GLI1: variants seen among roughly 807,000 people sequenced by gnomAD.
GLI1 encodes GLI family zinc finger 1.
Under a neutral mutation model 87.8 loss-of-function variants are expected in GLI1, and 51 were observed. That is an observed-to-expected ratio of 0.58 (90% CI 0.46 to 0.73). The LOEUF is 0.73. GLI1 is among the 30% of genes least tolerant of loss of function. The probability of loss-of-function intolerance (pLI) is 0.00; values close to 1 mark genes in which losing one functional copy is unlikely to be tolerated. For synonymous variants in GLI1, 528 were observed against 558.2 expected (o/e 0.95, Z 0.76); for missense variants, 1,292 against 1,437.2 (o/e 0.90, Z 1.63).
intron 10 of GLI1, 80 bp downstream of exon 10, chr12:57,468,304 C>A: frequency 1.2e-6 from 1 of 865,782 alleles, no homozygotes; most frequent in Non-Finnish European, 1.9e-6. Flanking sequence ...CCAACCCATC[C>A]ATTCCCTCCT....
chr12:57,464,611 G>C, intron 3 of GLI1, 62 bp from the exon 4 acceptor site: 1 of 1,216,188 alleles, frequency 8.2e-7, no homozygotes, highest in South Asian at 1.3e-5. Context: ...AGGACCCATA[G>C]GTTAGGTGCA....
rs1263331129 is a variant in GLI1 at position 57,460,077 on chromosome 12, G to A, written c.-152G>A. On this transcript the variant is annotated 5_prime_UTR_variant, in exon 1 of 12. Coordinates refer to ENST00000228682, the MANE Select transcript of GLI1 (RefSeq NM_005269.3). Reference sequence around the variant, plus strand: ...GGCGGGAGGGCTGGGGGCCAGGTTGGGGGGGTGGGGGTGGCATCGAGGCTG... The same window carrying A: ...GGCGGGAGGGCTGGGGGCCAGGTTGAGGGGGTGGGGGTGGCATCGAGGCTG... The A allele has an allele frequency of 6.6e-6, 1 of 150,502 alleles. No homozygotes were observed. The highest frequency in any genetic ancestry group is 1.5e-5 in the Non-Finnish European group (1 of 67,244). The allele number at this position is 150,502 out of a possible 1,614,324, so 9.3% of individuals were successfully genotyped here. A position where few individuals can be genotyped will look rare whatever the true frequency, so the allele number is the denominator to read the frequency against.
At position 57,463,712 on chromosome 12, in the gene GLI1, A is replaced by C; in HGVS notation, c.21A>C (p.Pro7=). 1 of 1,611,960 alleles carries C rather than the reference A, an allele frequency of 6.2e-7. No individual in the cohort carries two copies. The highest frequency in any genetic ancestry group is 8.5e-7 in the Non-Finnish European group (1 of 1,179,172). The part of the protein sequence containing the change: MFNSMT[P]PPISSYGEPC... ...ACGCCATGTTCAACTCGATGACCCC[A>C]CCACCAATCAGTAGCTATGGCGAGC... is the stretch of plus-strand genomic sequence containing the variant. Residue 7 remains proline, a synonymous_variant, in exon 2 of 12, where the codon CCA becomes CCC. Transcript: ENST00000228682.
At chr12:57,468,470 C>CCTTT (rs544079333) in intron 10 of GLI1, among the ~76,000 whole-genome samples, 1 of 151,776 alleles carries the variant, frequency 6.6e-6, no homozygotes, top group African/African-American at 2.4e-5. Context: ...TTCCTTTCTT[C>CCTTT]CTTTCTTTCT....
chr12:57,464,525 CAAAAAA>C, intron 3 of GLI1, 142 bp from the exon 4 acceptor site: 1 of 514,060 alleles, frequency 1.9e-6, no homozygotes, highest in Non-Finnish European at 3.4e-6. Flanking sequence ...CTGTGTCTCT[CAAAAAA>C]AAAAAAAAAA....
At chr12:57,461,106 C>A (rs533350073) in intron 1 of GLI1, among the ~76,000 whole-genome samples, 4 of 152,130 alleles carry the variant, frequency 2.6e-5, no homozygotes, top group African/African-American at 4.8e-5. Flanking sequence ...GGTCCCATGA[C>A]CCCGAAACAA....
Position 57,464,769 on chromosome 12 carries a change from C to T in GLI1, c.290C>T (p.Thr97Met), listed in dbSNP as rs143548857. 170 of 1,613,622 alleles carry T rather than the reference C, an allele frequency of 1.1e-4. No individual in the cohort carries two copies. In the Admixed American group the frequency reaches 1.4e-3, roughly 13 times the overall value. ...PLSDASLDLQ[T>M]VIRTSPSSLV... Reference sequence around the variant, plus strand: ...TCGGATGCCAGCCTGGACCTGCAGACGGTTATCCGCACCTCACCCAGCTCC... The same window carrying T: ...TCGGATGCCAGCCTGGACCTGCAGATGGTTATCCGCACCTCACCCAGCTCC... The change falls in exon 4 of 12, where the codon ACG becomes ATG. Residue 97 changes from threonine (T) to methionine (M), a missense_variant. Physicochemically the swap from Thr to Met is moderately conservative, Grantham distance 81. Coordinates refer to ENST00000228682, the MANE Select transcript of GLI1 (RefSeq NM_005269.3).
Position 57,472,037 on chromosome 12 carries a change from A to T in GLI1, c.3297A>T (p.Thr1099=), listed in dbSNP as rs776347757. ...TACTGAGATCCCTACCTGGGGAAAC[A>T]GAATTCCTCAACTCTAGTGCCTAAA... ...SVLLRSLPGE[T]EFLNSSA The change falls in exon 12 of 12, where the codon ACA becomes ACT. Residue 1099 remains threonine, a synonymous_variant. Coordinates refer to ENST00000228682, the MANE Select transcript of GLI1 (RefSeq NM_005269.3). 4.6e-6 allele frequency: 7 copies of T among 1,508,698 alleles called. No homozygotes were observed. The highest frequency in any genetic ancestry group is 6.2e-6 in the Non-Finnish European group (7 of 1,129,652). The allele number at this position is 1,508,698 out of a possible 1,614,324, so 93.5% of individuals were successfully genotyped here.
At position 57,465,934 on chromosome 12, in the gene GLI1, C is replaced by G; in HGVS notation, c.762+9C>G. 4 of 1,612,196 alleles carry G rather than the reference C, an allele frequency of 2.5e-6. No homozygotes were observed. The South Asian group carries it at 4.4e-5, about 18-fold the overall frequency. ...AAGAGCAGCTGGTGCACGTGAGCCCCAGGGGGTAACAGGAATGGCTAGCCA... is the reference window on the plus strand; with the variant it reads ...AAGAGCAGCTGGTGCACGTGAGCCCGAGGGGGTAACAGGAATGGCTAGCCA... On this transcript the variant is annotated intron_variant, in intron 7 of 11. Transcript: ENST00000228682.
In GLI1 at chr12:57,463,992, T is replaced by C. The variant is rs1871313901; in HGVS notation, c.101-7T>C. On this transcript the variant is annotated splice_region_variant and splice_polypyrimidine_tract_variant and intron_variant, in intron 2 of 11. Transcript: ENST00000228682. ...CCATTCCCATTCCAGCTGTCTCTTTTTTCTAGGACTGTCTGGCCCGCCCTT... is the reference window on the plus strand; with the variant it reads ...CCATTCCCATTCCAGCTGTCTCTTTCTTCTAGGACTGTCTGGCCCGCCCTT... 1.9e-6 allele frequency: 3 copies of C among 1,608,278 alleles called. No individual in the cohort carries two copies. The highest frequency in any genetic ancestry group is 2.6e-6 in the Non-Finnish European group (3 of 1,174,628).
At chr12:57,467,257 G>A (rs929796467) in intron 8 of GLI1, 76 bp from the exon 9 acceptor site, 2 of 1,212,918 alleles carry the variant, frequency 1.6e-6, no homozygotes, top group Non-Finnish European at 2.3e-6. Context: ...TGTGTGTCCT[G>A]TTGGAGATTG....
Position 57,469,665 on chromosome 12 carries a change from C to T in GLI1, c.1543C>T (p.Arg515Trp), listed in dbSNP as rs375428680. The T allele has an allele frequency of 2.1e-5, 34 of 1,613,760 alleles. No individual in the cohort carries two copies. Among genetic ancestry groups the T allele is most frequent in the Non-Finnish European group, 2.9e-5 (34 of 1,180,022 alleles). ...QLHQLRPIGT[R>W]GLKLPSLSHT... is the part of the protein sequence containing the mutation. ...ACATCAACTCCGGCCAATAGGGACC[C>T]GGGGTCTCAAACTGCCCAGCTTGTC... The change falls in exon 11 of 12, where the codon CGG becomes TGG. Residue 515 changes from arginine (R) to tryptophan (W), a missense_variant. Arg to Trp is a moderately radical substitution (Grantham distance 101). This residue lies in a region of GLI1 where 897 missense variants were observed against 1,040.7 expected (regional missense o/e 0.86). Coordinates refer to ENST00000228682, the MANE Select transcript of GLI1 (RefSeq NM_005269.3).
At chr12:57,465,435 C>G (rs1049050178) in intron 5 of GLI1, 172 bp from the exon 6 acceptor site, 3 of 731,476 alleles carry the variant, frequency 4.1e-6, no homozygotes, top group African/African-American at 3.6e-5. Context: ...AAATGGGATC[C>G]CACCTTTTGC....
At chr12:57,467,576 C>A in intron 9 of GLI1, 79 bp downstream of exon 9, 1 of 1,222,060 alleles carries the variant, frequency 8.2e-7, no homozygotes, top group Non-Finnish European at 1.1e-6. Flanking sequence ...AATCCCTTAG[C>A]CCAGCACCCA....
At position 57,472,138 on chromosome 12, in the gene GLI1, C is replaced by T. The variant is rs1872063269; in HGVS notation, c.*77C>T. On this transcript the variant is annotated 3_prime_UTR_variant, in exon 12 of 12. Coordinates refer to ENST00000228682, the MANE Select transcript of GLI1 (RefSeq NM_005269.3). ...CCTTCCAGAAAAATTGGGGGAGCTG[C>T]AGTCCCATGCACAAGATGCCCCAGG... 9 of 1,001,904 alleles carry T rather than the reference C, an allele frequency of 9.0e-6. 1 individual carries two copies. The allele number at this position is 1,001,904 out of a possible 1,614,324, so 62.1% of individuals were successfully genotyped here.
At chr12:57,465,286 C>A in intron 5 of GLI1, 31 bp downstream of exon 5, 1 of 1,583,494 alleles carries the variant, frequency 6.3e-7, no homozygotes, top group Non-Finnish European at 8.6e-7. Flanking sequence ...ACCTGATTTC[C>A]CTCAGCTCAG....
rs778954777 is a variant in GLI1 at position 57,471,737 on chromosome 12, T to A, written c.2997T>A (p.Tyr999Ter). ...TTCTGCCCCCATTGCCCACTTGCTA[T>A]GGGCCTCTCAAAGTGGGAGGCACAA... ...PRLLPPLPTCYGPLKVGGTNP... is the reference protein window; with the variant it reads ...PRLLPPLPTC The change falls in exon 12 of 12, where the codon TAT (tyrosine) becomes TAA (stop). Residue 999 changes from tyrosine (Y) to a stop codon, truncating the protein, a stop_gained. Coordinates refer to ENST00000228682, the MANE Select transcript of GLI1 (RefSeq NM_005269.3). LOFTEE classifies it high-confidence loss of function. The surrounding 1 kb of genome is among the most constrained non-coding windows in gnomAD (Gnocchi z 4.9). 3 of 1,573,070 alleles carry A rather than the reference T, an allele frequency of 1.9e-6. No individual in the cohort carries two copies. The highest frequency in any genetic ancestry group is 2.6e-6 in the Non-Finnish European group (3 of 1,159,220).
Position 57,465,782 on chromosome 12 carries a change from C to T in GLI1, c.625-6C>T. 1 of 1,613,964 alleles carries T rather than the reference C, an allele frequency of 6.2e-7. No individual in the cohort carries two copies. Among genetic ancestry groups the T allele is most frequent in the East Asian group, 2.2e-5 (1 of 44,888 alleles). On this transcript the variant is annotated splice_region_variant and splice_polypyrimidine_tract_variant and intron_variant, in intron 6 of 11. Transcript: ENST00000228682. ...AGTGACCCTGAGATTGCCTCTCTTG[C>T]CCTAGGATCCCCTGTTGGGGATGCT...
In GLI1 at chr12:57,471,462, C is replaced by T; in HGVS notation, c.2722C>T (p.Leu908=). 1 of 1,613,248 alleles carries T rather than the reference C, an allele frequency of 6.2e-7. No homozygotes were observed. Among genetic ancestry groups the T allele is most frequent in the Non-Finnish European group, 8.5e-7 (1 of 1,179,390 alleles). ...VCNYVQSQQE[L]LWEGGGREDA... is the part of the protein sequence containing the mutation. ...TAATTATGTTCAATCTCAACAGGAG[C>T]TACTGTGGGAGGGTGGGGGCAGGGA... The change falls in exon 12 of 12, where the codon CTA becomes TTA. Residue 908 remains leucine (L), a synonymous_variant. Transcript: ENST00000228682. The surrounding 1 kb of genome is among the most constrained non-coding windows in gnomAD (Gnocchi z 4.9).
Sources: gnomAD v4.1 joint callset for allele counts (sites outside exome capture counted in the v4.1 genomes callset) on GRCh38, gnomAD v4.1.1 for gene constraint, gnomAD v4.1.1 regional missense constraint, Gnocchi (gnomAD v3.1) non-coding constraint, MANE v1.5 for transcripts, NCBI Gene and HGNC (gene_info 2026-07-23, HGNC 2026-07-21) for gene names.